Variants in TENM4 observed in about 807,000 individuals in gnomAD.
TENM4 encodes the protein teneurin transmembrane protein 4.
TENM4 carries 82 observed loss-of-function variants against 243.3 expected under a neutral mutation model. The ratio of observed to expected loss-of-function variants is 0.34; its 90% CI spans 0.28 to 0.40. The LOEUF (loss-of-function observed/expected upper bound fraction) is 0.40, where lower values mean the gene tolerates loss of function less well. Among genes scored for constraint, TENM4 ranks in the 10% least tolerant of loss-of-function variants. The pLI is 1.00. For missense variants in TENM4, 3,138 were observed against 3,673.3 expected (o/e 0.85, Z 3.77); for synonymous variants, 1,412 against 1,456.3 (o/e 0.97, Z 0.69).
intron 1 of TENM4, among the ~76,000 whole-genome samples, chr11:79,437,524 G>A (rs1859299032): frequency 6.6e-6 from 1 of 152,152 alleles, no homozygotes; most frequent in Admixed American, 6.5e-5. Context: ...CCGCCCACCC[G>A]GCCGCCCCGC....
chr11:78,861,531 A>C (rs551025621), intron 10 of TENM4, among the ~76,000 whole-genome samples: 4 of 152,300 alleles, frequency 2.6e-5, no homozygotes, highest in African/African-American at 9.6e-5. Flanking sequence ...TAAGACTTAA[A>C]ATCTTTGCAA....
At chr11:78,885,316 G>T (rs1855526535) in intron 9 of TENM4, among the ~76,000 whole-genome samples, 1 of 152,234 alleles carries the variant, frequency 6.6e-6, no homozygotes, top group African/African-American at 2.4e-5. Context: ...ATAAAGCACT[G>T]TAAACTCATC....
At chr11:79,085,808 A>C (rs1860798569) in intron 4 of TENM4, among the ~76,000 whole-genome samples, 1 of 152,220 alleles carries the variant, frequency 6.6e-6, no homozygotes, top group South Asian at 2.1e-4. Context: ...TGCTCTGCAT[A>C]TACCCATAAC....
At chr11:78,720,349 A>G (rs1332602036) in intron 25 of TENM4, 21 bp downstream of exon 25, 9 of 1,613,862 alleles carry the variant, frequency 5.6e-6, no homozygotes, top group South Asian at 1.1e-5. Context: ...GAGGCAGGAA[A>G]TTCTCCACTG....
At chr11:79,110,963 G>A (rs1187083499) in intron 4 of TENM4, among the ~76,000 whole-genome samples, 1 of 152,086 alleles carries the variant, frequency 6.6e-6, no homozygotes, top group East Asian at 1.9e-4. Flanking sequence ...GAACCTCCTT[G>A]ATATGGTTTG....
At chr11:79,220,204 G>A (rs112747754) in intron 2 of TENM4, among the ~76,000 whole-genome samples, 1 of 152,208 alleles carries the variant, frequency 6.6e-6, no homozygotes, top group African/African-American at 2.4e-5. Flanking sequence ...CCTGCAGCCT[G>A]GAGGAGATGA....
intron 4 of TENM4, among the ~76,000 whole-genome samples, chr11:79,092,165 T>G (rs1860972776): frequency 6.6e-6 from 1 of 152,182 alleles, no homozygotes; most frequent in Admixed American, 6.5e-5. Flanking sequence ...ACTCCATCTC[T>G]GCTGCCAGGC....
chr11:79,089,142 C>T (rs778402879), intron 4 of TENM4, among the ~76,000 whole-genome samples: 1 of 152,192 alleles, frequency 6.6e-6, no homozygotes, highest in Non-Finnish European at 1.5e-5. Context: ...ACTGTGCAGG[C>T]CTGTGCTCTC....
intron 4 of TENM4, among the ~76,000 whole-genome samples, chr11:79,094,753 C>T (rs912376196): frequency 6.6e-6 from 1 of 152,098 alleles, no homozygotes; most frequent in African/African-American, 2.4e-5. Context: ...CCCCAGTCAC[C>T]CCTGGAGACT....
At chr11:78,917,927 A>G (rs1193241920) in intron 6 of TENM4, among the ~76,000 whole-genome samples, 12 of 152,180 alleles carry the variant, frequency 7.9e-5, no homozygotes, top group African/African-American at 1.9e-4. Context: ...GGTTGCCATG[A>G]GGATTCATGT....
At chr11:78,719,309 C>A (rs1358253252) in intron 25 of TENM4, among the ~76,000 whole-genome samples, 1 of 152,024 alleles carries the variant, frequency 6.6e-6, no homozygotes, top group African/African-American at 2.4e-5. Flanking sequence ...GGCGATAGAA[C>A]GCTATAGTCC....
intron 6 of TENM4, among the ~76,000 whole-genome samples, chr11:79,010,693 C>A (rs1012389080): frequency 3.3e-5 from 5 of 152,118 alleles, no homozygotes; most frequent in African/African-American, 1.2e-4. Context: ...ACGGGAACAG[C>A]AGGAGAAAGA....
At chr11:79,202,493 T>C (rs1863760107) in intron 3 of TENM4, among the ~76,000 whole-genome samples, 1 of 152,188 alleles carries the variant, frequency 6.6e-6, no homozygotes, top group Non-Finnish European at 1.5e-5. Flanking sequence ...AAAACCAATT[T>C]AAATAAACTC....
At chr11:78,944,579 C>T (rs1005843669) in intron 6 of TENM4, among the ~76,000 whole-genome samples, 4 of 152,212 alleles carry the variant, frequency 2.6e-5, no homozygotes, top group African/African-American at 4.8e-5. Flanking sequence ...TGAAGATCTG[C>T]AGGGCAAGGC....
intron 4 of TENM4, among the ~76,000 whole-genome samples, chr11:79,133,645 AT>A (rs1227819899): frequency 1.3e-5 from 2 of 152,198 alleles, no homozygotes; most frequent in Non-Finnish European, 2.9e-5. Context: ...TGAAAAAAAA[AT>A]AATTCACCTG....
At chr11:78,726,625 G>A (rs952578041) in intron 22 of TENM4, among the ~76,000 whole-genome samples, 2 of 152,150 alleles carry the variant, frequency 1.3e-5, no homozygotes, top group African/African-American at 4.8e-5. Context: ...GGATTCTCAT[G>A]AACGGCTTGG....
intron 6 of TENM4, among the ~76,000 whole-genome samples, chr11:78,955,542 A>C (rs945427325): frequency 1.3e-5 from 2 of 152,096 alleles, no homozygotes; most frequent in Non-Finnish European, 2.9e-5. Context: ...GTGGTGTAGG[A>C]ATTCCTAGGT....
intron 6 of TENM4, among the ~76,000 whole-genome samples, chr11:78,957,812 A>G (rs976295350): frequency 6.6e-6 from 1 of 152,228 alleles, no homozygotes; most frequent in Non-Finnish European, 1.5e-5. Context: ...CATCTCATAT[A>G]ACAGGGGCTT....
At chr11:78,909,697 T>C (rs949290467) in intron 6 of TENM4, among the ~76,000 whole-genome samples, 2 of 152,338 alleles carry the variant, frequency 1.3e-5, no homozygotes, top group Middle Eastern at 3.4e-3. Context: ...AGAAGTGACA[T>C]GAGACCTATG....
Sources: allele counts gnomAD v4.1 joint callset (sites outside exome capture counted in the v4.1 genomes callset), GRCh38; gene constraint gnomAD v4.1.1; transcripts MANE v1.5; gene names NCBI Gene and HGNC (gene_info 2026-07-23, HGNC 2026-07-21).